Variants in INSM1 observed in about 807,000 individuals in gnomAD.
The protein encoded by INSM1 is insulinoma-associated protein 1.
INSM1 carries 11 observed loss-of-function variants against 21.1 expected under a neutral mutation model. The observed-to-expected ratio is 0.52, with a 90% CI of 0.33 to 0.86. INSM1 has a LOEUF of 0.86. Among genes scored for constraint, INSM1 ranks in the 40% least tolerant of loss-of-function variants. INSM1 has a pLI of 0.03. For synonymous variants in INSM1, 473 were observed against 386.1 expected (o/e 1.23, Z -2.64); for missense variants, 843 against 760.1 (o/e 1.11, Z -1.28).
Position 20,368,378 on chromosome 20 carries a change from G to A in INSM1, c.111G>A (p.Gly37=), listed in dbSNP as rs776984436. The A allele has an allele frequency of 7.4e-6, 8 of 1,079,482 alleles. No individual in the cohort carries two copies. In the South Asian group the frequency reaches 2.0e-4, roughly 27 times the overall value. 66.9% of individuals were successfully genotyped at this position (1,079,482 alleles called of 1,614,324 possible). ...CACTGCTGCTCTCGCCCAGCTGCGG[G>A]GGCGCCCGCGCCGAGCCCCCGGCGC... ...DRALLLSPSC[G]GARAEPPAPS... The change falls in exon 1 of 1, where the codon GGG becomes GGA. Residue 37 remains glycine, a synonymous_variant. Transcript: ENST00000310227. The surrounding 1 kb of genome is among the most constrained non-coding windows in gnomAD (Gnocchi z 4.3).
In INSM1 at chr20:20,368,782, C is replaced by T. The variant is rs1350285814; in HGVS notation, c.515C>T (p.Ala172Val). ...FAPAELKMGT[A>V]FSAGAEAARG... is the part of the protein sequence containing the mutation. ...CCCGCCGAGCTCAAGATGGGCACGG[C>T]GTTCTCGGCTGGCGCCGAGGCGGCC... Residue 172 changes from alanine (A) to valine (V), a missense_variant, in exon 1 of 1, where the codon GCG becomes GTG. By Grantham distance (64) the Ala-to-Val change is moderately conservative. Transcript: ENST00000310227. This position sits in a 1 kb window ranked among gnomAD's most constrained non-coding sequence, Gnocchi z 4.3. The T allele has an allele frequency of 1.8e-6, 2 of 1,113,596 alleles. No individual in the cohort carries two copies. Among genetic ancestry groups the T allele is most frequent in the Non-Finnish European group, 1.1e-6 (1 of 890,692 alleles). The allele number at this position is 1,113,596 out of a possible 1,614,324, so 69.0% of individuals were successfully genotyped here. A position where few individuals can be genotyped will look rare whatever the true frequency, so the allele number is the denominator to read the frequency against.
chr20:20,369,063 G>A lies in INSM1; in HGVS notation c.796G>A (p.Glu266Lys), dbSNP rs1350516628. 3.2e-6 allele frequency: 5 copies of A among 1,571,542 alleles called. No individual in the cohort carries two copies. In the South Asian group the frequency reaches 3.5e-5, roughly 11 times the overall value. ...RAGGAARPLGEFICQLCKEEY... is the reference protein window; with the variant it reads ...RAGGAARPLGKFICQLCKEEY... Reference sequence around the variant, plus strand: ...GGGGGGCGCGGCGCGGCCGCTGGGCGAGTTCATCTGCCAGCTGTGCAAGGA... The same window carrying A: ...GGGGGGCGCGGCGCGGCCGCTGGGCAAGTTCATCTGCCAGCTGTGCAAGGA... The change falls in exon 1 of 1, where the codon GAG becomes AAG. Residue 266 changes from glutamate (E) to lysine (K), a missense_variant. Coordinates refer to ENST00000310227, the MANE Select transcript of INSM1 (RefSeq NM_002196.3). The surrounding 1 kb of genome is among the most constrained non-coding windows in gnomAD (Gnocchi z 5.6).
In INSM1 at chr20:20,369,290, G is replaced by A. The variant is rs368872765; in HGVS notation, c.1023G>A (p.Glu341=). Residue 341 remains glutamate (E), a synonymous_variant, in exon 1 of 1, where the codon GAG becomes GAA. Coordinates refer to ENST00000310227, the MANE Select transcript of INSM1 (RefSeq NM_002196.3). This position sits in a 1 kb window ranked among gnomAD's most constrained non-coding sequence, Gnocchi z 5.6. ...PEAAARAEAR[E]APGGGSDRDT... ...CAGCAGCCAGGGCTGAGGCGCGGGA[G>A]GCACCCGGCGGCGGCAGCGACCGGG... 2.1e-5 allele frequency: 29 copies of A among 1,371,904 alleles called. No individual in the cohort carries two copies. In the East Asian group the frequency reaches 5.5e-4, roughly 26 times the overall value. The allele number at this position is 1,371,904 out of a possible 1,614,324, so 85.0% of individuals were successfully genotyped here.
Position 20,370,890 on chromosome 20 carries a change from A to C in INSM1, c.*1090A>C, listed in dbSNP as rs1334621770. On this transcript the variant is annotated 3_prime_UTR_variant, in exon 1 of 1. Coordinates refer to ENST00000310227, the MANE Select transcript of INSM1 (RefSeq NM_002196.3). ...TGTTAGCTATTTATAGAAAGCTTCA[A>C]TAGAACTGTTTCAACTGTATAACTA... The C allele has an allele frequency of 6.0e-6, 1 of 167,008 alleles. No individual in the cohort carries two copies. Among genetic ancestry groups the C allele is most frequent in the African/African-American group, 2.4e-5 (1 of 41,470 alleles). The allele number at this position is 167,008 out of a possible 1,614,324, so 10.3% of individuals were successfully genotyped here.
At position 20,368,776 on chromosome 20, in the gene INSM1, G is replaced by A. The variant is rs552220413; in HGVS notation, c.509G>A (p.Gly170Asp). The A allele has an allele frequency of 2.1e-5, 24 of 1,126,284 alleles. No individual in the cohort carries two copies. The African/African-American group carries it at 3.5e-4, about 16-fold the overall frequency. The allele number at this position is 1,126,284 out of a possible 1,614,324, so 69.8% of individuals were successfully genotyped here. ...LLFAPAELKM[G>D]TAFSAGAEAA... is the part of the protein sequence containing the mutation. ...TTCGCGCCCGCCGAGCTCAAGATGG[G>A]CACGGCGTTCTCGGCTGGCGCCGAG... is the stretch of plus-strand genomic sequence containing the variant. Residue 170 changes from glycine (G) to aspartate (D), a missense_variant, in exon 1 of 1, where the codon GGC (glycine) becomes GAC (aspartate). Coordinates refer to ENST00000310227, the MANE Select transcript of INSM1 (RefSeq NM_002196.3). The surrounding 1 kb of genome is among the most constrained non-coding windows in gnomAD (Gnocchi z 4.3).
chr20:20,368,665 C>A lies in INSM1; in HGVS notation c.398C>A (p.Thr133Lys). The change falls in exon 1 of 1, where the codon ACG (threonine) becomes AAG (lysine). Residue 133 changes from threonine to lysine, a missense_variant. Transcript: ENST00000310227. This position sits in a 1 kb window ranked among gnomAD's most constrained non-coding sequence, Gnocchi z 4.3. The part of the protein sequence containing the change: ...GSPVSAESFP[T>K]PAALLGGGGG... Reference sequence around the variant, plus strand: ...CCGGTCTCGGCCGAGTCCTTCCCCACGCCCGCCGCGCTGCTCGGAGGGGGC... The same window carrying A: ...CCGGTCTCGGCCGAGTCCTTCCCCAAGCCCGCCGCGCTGCTCGGAGGGGGC... 1 of 1,398,590 alleles carries A rather than the reference C, an allele frequency of 7.2e-7. No individual in the cohort carries two copies. The highest frequency in any genetic ancestry group is 1.4e-5 in the South Asian group (1 of 69,316). 86.6% of individuals were successfully genotyped at this position (1,398,590 alleles called of 1,614,324 possible).
chr20:20,369,170 C>T lies in INSM1; in HGVS notation c.903C>T (p.Ala301=). Residue 301 remains alanine (A), a synonymous_variant, in exon 1 of 1, where the codon GCC becomes GCT. Coordinates refer to ENST00000310227, the MANE Select transcript of INSM1 (RefSeq NM_002196.3). The surrounding 1 kb of genome is among the most constrained non-coding windows in gnomAD (Gnocchi z 5.6). The part of the protein sequence containing the change: ...VRVEYRCPEC[A]KVFSCPANLA... Reference sequence around the variant, plus strand: ...TGGAGTACCGCTGTCCCGAGTGCGCCAAGGTCTTCAGCTGCCCGGCCAACC... The same window carrying T: ...TGGAGTACCGCTGTCCCGAGTGCGCTAAGGTCTTCAGCTGCCCGGCCAACC... 6.3e-7 allele frequency: 1 copy of T among 1,575,294 alleles called. No individual in the cohort carries two copies. Among genetic ancestry groups the T allele is most frequent in the South Asian group, 1.1e-5 (1 of 88,642 alleles).
rs2059497778 is a variant in INSM1 at position 20,370,853 on chromosome 20, T to A, written c.*1053T>A. On this transcript the variant is annotated 3_prime_UTR_variant, in exon 1 of 1. Coordinates refer to ENST00000310227, the MANE Select transcript of INSM1 (RefSeq NM_002196.3). ...AATGCAATCTCTTTTCTACATACAT[T>A]ATTTTCTTAATTGTTAGCTATTTAT... 6.0e-6 allele frequency: 1 copy of A among 167,058 alleles called. No homozygotes were observed. The highest frequency in any genetic ancestry group is 1.5e-5 in the Non-Finnish European group (1 of 68,132). 10.3% of individuals were successfully genotyped at this position (167,058 alleles called of 1,614,324 possible). A position where few individuals can be genotyped will look rare whatever the true frequency, so the allele number is the denominator to read the frequency against.
Position 20,369,430 on chromosome 20 carries a change from C to T in INSM1, c.1163C>T (p.Ala388Val). The T allele has an allele frequency of 1.3e-6, 2 of 1,548,648 alleles. No individual in the cohort carries two copies. The highest frequency in any genetic ancestry group is 2.5e-5 in the East Asian group (1 of 40,598). ...RQAYLRKHLL[A>V]HHQALQAKGA... ...GCCTACCTACGCAAGCACCTGCTGGCGCACCACCAGGCGCTGCAGGCCAAG... is the reference window on the plus strand; with the variant it reads ...GCCTACCTACGCAAGCACCTGCTGGTGCACCACCAGGCGCTGCAGGCCAAG... The change falls in exon 1 of 1, where the codon GCG becomes GTG. Residue 388 changes from alanine to valine, a missense_variant. Ala to Val is a moderately conservative substitution (Grantham distance 64). Coordinates refer to ENST00000310227, the MANE Select transcript of INSM1 (RefSeq NM_002196.3). The surrounding 1 kb of genome is among the most constrained non-coding windows in gnomAD (Gnocchi z 5.6).
rs771680899 is a variant in INSM1, at chr20:20,369,028, G to C, written c.761G>C (p.Arg254Pro). Residue 254 changes from arginine (R) to proline (P), a missense_variant, in exon 1 of 1, where the codon CGG (arginine) becomes CCG (proline). Transcript: ENST00000310227. This position sits in a 1 kb window ranked among gnomAD's most constrained non-coding sequence, Gnocchi z 5.6. ...AAGGAGGGCCCGGTGGAGGCGCCGC[G>C]GGGCCGCGCGGGGGGCGCGGCGCGG... is the stretch of plus-strand genomic sequence containing the variant. ...KIKEGPVEAPRGRAGGAARPL... is the reference protein window; with the variant it reads ...KIKEGPVEAPPGRAGGAARPL... 4 of 1,530,068 alleles carry C rather than the reference G, an allele frequency of 2.6e-6. No individual in the cohort carries two copies. The highest frequency in any genetic ancestry group is 3.5e-6 in the Non-Finnish European group (4 of 1,144,310). 94.8% of individuals were successfully genotyped at this position (1,530,068 alleles called of 1,614,324 possible). A position where few individuals can be genotyped will look rare whatever the true frequency, so the allele number is the denominator to read the frequency against.
chr20:20,369,931 T>C lies in INSM1; in HGVS notation c.*131T>C. On this transcript the variant is annotated 3_prime_UTR_variant, in exon 1 of 1. Coordinates refer to ENST00000310227, the MANE Select transcript of INSM1 (RefSeq NM_002196.3). The surrounding 1 kb of genome is among the most constrained non-coding windows in gnomAD (Gnocchi z 5.6). The stretch of plus-strand genomic sequence containing the variant: ...CCCCCGCCCCCACCGGGTGAAAGTG[T>C]CGTCTCCGCTTCTCTCGGTGTGGCG... 1.4e-6 allele frequency: 1 copy of C among 740,712 alleles called. No homozygotes were observed. The highest frequency in any genetic ancestry group is 2.2e-6 in the Non-Finnish European group (1 of 460,804). The allele number at this position is 740,712 out of a possible 1,614,324, so 45.9% of individuals were successfully genotyped here.
chr20:20,368,814 C>T lies in INSM1; in HGVS notation c.547C>T (p.Pro183Ser). 1 of 1,107,730 alleles carries T rather than the reference C, an allele frequency of 9.0e-7. No homozygotes were observed. The allele number at this position is 1,107,730 out of a possible 1,614,324, so 68.6% of individuals were successfully genotyped here. Reference sequence around the variant, plus strand: ...GGCTGGCGCCGAGGCGGCCCGCGGCCCGGGCCCCGGCCCCCCACTGCCCCC... The same window carrying T: ...GGCTGGCGCCGAGGCGGCCCGCGGCTCGGGCCCCGGCCCCCCACTGCCCCC... ...FSAGAEAARGPGPGPPLPPAA... is the reference protein window; with the variant it reads ...FSAGAEAARGSGPGPPLPPAA... The change falls in exon 1 of 1, where the codon CCG becomes TCG. Residue 183 changes from proline to serine, a missense_variant. Transcript: ENST00000310227. This position sits in a 1 kb window ranked among gnomAD's most constrained non-coding sequence, Gnocchi z 4.3.
At position 20,369,510 on chromosome 20, in the gene INSM1, G is replaced by T; in HGVS notation, c.1243G>T (p.Asp415Tyr). Residue 415 changes from aspartate (D) to tyrosine (Y), a missense_variant, in exon 1 of 1, where the codon GAC (aspartate) becomes TAC (tyrosine). Physicochemically the swap from Asp to Tyr is radical, Grantham distance 160. Coordinates refer to ENST00000310227, the MANE Select transcript of INSM1 (RefSeq NM_002196.3). The surrounding 1 kb of genome is among the most constrained non-coding windows in gnomAD (Gnocchi z 5.6). ...EDLLALYPGP[D>Y]EKAPQEAAGD... ...CCTACTGGCCTTGTACCCCGGGCCC[G>T]ACGAGAAGGCGCCCCAGGAGGCGGC... is the stretch of plus-strand genomic sequence containing the variant. The T allele has an allele frequency of 1.9e-6, 3 of 1,547,652 alleles. No individual in the cohort carries two copies. Among genetic ancestry groups the T allele is most frequent in the Non-Finnish European group, 2.6e-6 (3 of 1,155,552 alleles).
rs2059492484 is a variant in INSM1, at chr20:20,369,739, G to A, written c.1472G>A (p.Cys491Tyr). 2 of 1,602,710 alleles carry A rather than the reference G, an allele frequency of 1.2e-6. No individual in the cohort carries two copies. Among genetic ancestry groups the A allele is most frequent in the Non-Finnish European group, 8.5e-7 (1 of 1,179,538 alleles). ...GGCCTTACGCGGCACATCAACAAGT[G>A]CCACCCATCCGAAAACAGACAGGTG... is the stretch of plus-strand genomic sequence containing the variant. ...SPGLTRHINK[C>Y]HPSENRQVIL... is the part of the protein sequence containing the mutation. The change falls in exon 1 of 1, where the codon TGC (cysteine) becomes TAC (tyrosine). Residue 491 changes from cysteine to tyrosine, a missense_variant. Coordinates refer to ENST00000310227, the MANE Select transcript of INSM1 (RefSeq NM_002196.3). This position sits in a 1 kb window ranked among gnomAD's most constrained non-coding sequence, Gnocchi z 5.6.
Position 20,368,963 on chromosome 20 carries a change from G to A in INSM1, c.696G>A (p.Glu232=). ...AGGCCATCCGCAAGCTGCACTTCGA[G>A]GACGAGGTGACCACGTCGCCCGTGC... ...KPKAIRKLHF[E]DEVTTSPVLG... The change falls in exon 1 of 1, where the codon GAG becomes GAA. Residue 232 remains glutamate (E), a synonymous_variant. Transcript: ENST00000310227. This position sits in a 1 kb window ranked among gnomAD's most constrained non-coding sequence, Gnocchi z 4.3. 6.4e-7 allele frequency: 1 copy of A among 1,556,538 alleles called. No homozygotes were observed. The highest frequency in any genetic ancestry group is 8.7e-7 in the Non-Finnish European group (1 of 1,154,514).
chr20:20,368,340 G>T lies in INSM1; in HGVS notation c.73G>T (p.Asp25Tyr). The part of the protein sequence containing the change: ...PVSYRVRGGE[D>Y]GDRALLLSPS... ...TTCCTACCGGGTCCGCGGCGGCGAGGACGGCGACCGCGCACTGCTGCTCTC... is the reference window on the plus strand; with the variant it reads ...TTCCTACCGGGTCCGCGGCGGCGAGTACGGCGACCGCGCACTGCTGCTCTC... The change falls in exon 1 of 1, where the codon GAC becomes TAC. Residue 25 changes from aspartate (D) to tyrosine (Y), a missense_variant. By Grantham distance (160) the Asp-to-Tyr change is radical. Coordinates refer to ENST00000310227, the MANE Select transcript of INSM1 (RefSeq NM_002196.3). This position sits in a 1 kb window ranked among gnomAD's most constrained non-coding sequence, Gnocchi z 4.3. 6 of 1,271,018 alleles carry T rather than the reference G, an allele frequency of 4.7e-6. No individual in the cohort carries two copies. The highest frequency in any genetic ancestry group is 6.1e-6 in the Non-Finnish European group (6 of 990,802). 78.7% of individuals were successfully genotyped at this position (1,271,018 alleles called of 1,614,324 possible).
At position 20,369,329 on chromosome 20, in the gene INSM1, C is replaced by G. The variant is rs959197747; in HGVS notation, c.1062C>G (p.Pro354=). 28 of 1,436,278 alleles carry G rather than the reference C, an allele frequency of 1.9e-5. No homozygotes were observed. Among genetic ancestry groups the G allele is most frequent in the Non-Finnish European group, 2.5e-5 (28 of 1,106,372 alleles). The allele number at this position is 1,436,278 out of a possible 1,614,324, so 89.0% of individuals were successfully genotyped here. ...GGGSDRDTPS[P]GGVSESGSED... is the part of the protein sequence containing the mutation. ...GCAGCGACCGGGACACGCCGAGCCCCGGCGGCGTGTCCGAGTCGGGCTCCG... is the reference window on the plus strand; with the variant it reads ...GCAGCGACCGGGACACGCCGAGCCCGGGCGGCGTGTCCGAGTCGGGCTCCG... Residue 354 remains proline (P), a synonymous_variant, in exon 1 of 1, where the codon CCC becomes CCG. Coordinates refer to ENST00000310227, the MANE Select transcript of INSM1 (RefSeq NM_002196.3). This position sits in a 1 kb window ranked among gnomAD's most constrained non-coding sequence, Gnocchi z 5.6.
chr20:20,369,914 C>T lies in INSM1; in HGVS notation c.*114C>T. 2.3e-6 allele frequency: 2 copies of T among 881,046 alleles called. No individual in the cohort carries two copies. Among genetic ancestry groups the T allele is most frequent in the Non-Finnish European group, 3.4e-6 (2 of 587,462 alleles). The allele number at this position is 881,046 out of a possible 1,614,324, so 54.6% of individuals were successfully genotyped here. The stretch of plus-strand genomic sequence containing the variant: ...GCGCTGGGGGAGCCTCGCCCCCGCC[C>T]CCACCGGGTGAAAGTGTCGTCTCCG... On this transcript the variant is annotated 3_prime_UTR_variant, in exon 1 of 1. Transcript: ENST00000310227. This position sits in a 1 kb window ranked among gnomAD's most constrained non-coding sequence, Gnocchi z 5.6.
chr20:20,369,504 G>C lies in INSM1; in HGVS notation c.1237G>C (p.Gly413Arg), dbSNP rs778667570. Residue 413 changes from glycine to arginine, a missense_variant, in exon 1 of 1, where the codon GGG becomes CGG. Coordinates refer to ENST00000310227, the MANE Select transcript of INSM1 (RefSeq NM_002196.3). The surrounding 1 kb of genome is among the most constrained non-coding windows in gnomAD (Gnocchi z 5.6). ...CGAGGACCTACTGGCCTTGTACCCC[G>C]GGCCCGACGAGAAGGCGCCCCAGGA... ...PAEDLLALYP[G>R]PDEKAPQEAA... is the part of the protein sequence containing the mutation. 2 of 1,545,068 alleles carry C rather than the reference G, an allele frequency of 1.3e-6. No individual in the cohort carries two copies. Among genetic ancestry groups the C allele is most frequent in the East Asian group, 2.4e-5 (1 of 42,064 alleles).
Sources: gnomAD v4.1 joint callset for allele counts on GRCh38, gnomAD v4.1.1 for gene constraint, Gnocchi (gnomAD v3.1) non-coding constraint, MANE v1.5 for transcripts, NCBI Gene and HGNC (gene_info 2026-07-23, HGNC 2026-07-21) for gene names.